Variants in STAG3 observed in about 807,000 individuals in gnomAD.
STAG3 encodes STAG3 cohesin complex component, also known as cohesin subunit SA-3.
STAG3 carries 101 observed loss-of-function variants against 160.7 expected under a neutral mutation model. That is an observed-to-expected ratio of 0.63 (90% CI 0.54 to 0.74). The LOEUF (loss-of-function observed/expected upper bound fraction) is 0.74, where lower values mean the gene tolerates loss of function less well. Among genes scored for constraint, STAG3 ranks in the 30% least tolerant of loss-of-function variants. STAG3 has a pLI of 0.00. For synonymous variants in STAG3, 519 were observed against 585.0 expected (o/e 0.89, Z 1.63); for missense variants, 1,188 against 1,517.4 (o/e 0.78, Z 3.61).
intron 9 of STAG3, among the ~76,000 whole-genome samples, chr7:100,196,073 G>A (rs1800666129): frequency 6.6e-6 from 1 of 151,776 alleles, no homozygotes; most frequent in Admixed American, 6.6e-5. Flanking sequence ...AGGTTGCGGT[G>A]AGCTGAGATG....
intron 31 of STAG3, 75 bp from the exon 32 acceptor site, chr7:100,211,720 C>T: frequency 1.3e-6 from 2 of 1,533,404 alleles, no homozygotes; most frequent in Non-Finnish European, 1.8e-6. Context: ...ACTTCCCCCA[C>T]CCCGGGTGTC....
In STAG3 at chr7:100,204,056, A is replaced by T. The variant is rs200742340; in HGVS notation, c.2736A>T (p.Thr912=). ...ACTATGGTGACATTATCAAGGAAAC[A>T]TTAACTAGAGCAAGGCAGATTGACC... ...YNDYGDIIKE[T]LTRARQIDRS... Residue 912 remains threonine, a synonymous_variant, in exon 26 of 34, where the codon ACA becomes ACT. Coordinates refer to ENST00000615138, the MANE Select transcript of STAG3 (RefSeq NM_001282717.2). 1 of 1,614,136 alleles carries T rather than the reference A, an allele frequency of 6.2e-7. No homozygotes were observed. Among genetic ancestry groups the T allele is most frequent in the Non-Finnish European group, 8.5e-7 (1 of 1,179,990 alleles).
At chr7:100,188,264 G>A (rs1800151916) in intron 5 of STAG3, among the ~76,000 whole-genome samples, 189 bp from the exon 6 acceptor site, 1 of 152,106 alleles carries the variant, frequency 6.6e-6, no homozygotes, top group African/African-American at 2.4e-5. Flanking sequence ...CCTTCCTTTG[G>A]GTTTTTAGAG....
chr7:100,217,745 G>GGA (rs371561788), downstream of STAG3, among the ~76,000 whole-genome samples: 2 of 152,060 alleles, frequency 1.3e-5, no homozygotes, highest in African/African-American at 2.4e-5. Context: ...TAGCCGAGGC[G>GGA]GAGAGAGAGA....
At chr7:100,180,038 T>C (rs1292508283) in intron 1 of STAG3, among the ~76,000 whole-genome samples, 1 of 147,526 alleles carries the variant, frequency 6.8e-6, no homozygotes, top group African/African-American at 2.5e-5. Context: ...CCCAGCCATT[T>C]GTCTTATTTA....
At chr7:100,215,573 C>T (rs1167270791), downstream of STAG3, among the ~76,000 whole-genome samples, 1 of 152,104 alleles carries the variant, frequency 6.6e-6, no homozygotes, top group Non-Finnish European at 1.5e-5. Context: ...TCTCAAAATC[C>T]AGGAGGGGAA....
In STAG3 at chr7:100,207,957, A is replaced by G. The variant is rs996165441; in HGVS notation, c.3238+2573A>G. Among the ~76,000 whole-genome samples the G allele has an allele frequency of 6.6e-6, 1 of 151,736 alleles. No homozygotes were observed. Among genetic ancestry groups the G allele is most frequent in the African/African-American group, 2.4e-5 (1 of 41,404 alleles). ...CGGTGAAACCCCGTCTCTACTAAAA[A>G]TACAAAAAATTAGCCAGGCATGATG... On this transcript the variant is annotated intron_variant, in intron 29 of 33. Coordinates refer to ENST00000615138, the MANE Select transcript of STAG3 (RefSeq NM_001282717.2). This position sits in a 1 kb window ranked among gnomAD's most constrained non-coding sequence, Gnocchi z 4.0.
At position 100,199,934 on chromosome 7, in the gene STAG3, C is replaced by T. The variant is rs1037126831; in HGVS notation, c.1677+290C>T. Among the ~76,000 whole-genome samples, 11 of 150,044 alleles carry T rather than the reference C, an allele frequency of 7.3e-5. No homozygotes were observed. In the East Asian group the frequency reaches 2.2e-3, roughly 30 times the overall value. The stretch of plus-strand genomic sequence containing the variant: ...AAAAAAAATTAGCTGGGCGTGGTAG[C>T]GGGCACCTGTAGTCCCAGCTACTTG... On this transcript the variant is annotated intron_variant, in intron 16 of 33. Transcript: ENST00000615138.
chr7:100,198,434 A>G lies in STAG3; in HGVS notation c.1245-41A>G, dbSNP rs111629818. ...CTAGCCTTGGTTGTGCCAGAAGACA[A>G]TGTCCCTATTCACATACTCTTTCTG... On this transcript the variant is annotated intron_variant, in intron 12 of 33. Coordinates refer to ENST00000615138, the MANE Select transcript of STAG3 (RefSeq NM_001282717.2). 9,916 of 1,595,854 alleles carry G rather than the reference A, an allele frequency of 6.2e-3. 583 individuals are homozygous for G. In the African/African-American group the frequency reaches 0.12, roughly 19 times the overall value.
intron 4 of STAG3, among the ~76,000 whole-genome samples, chr7:100,183,589 A>G (rs1799791245): frequency 6.6e-6 from 1 of 152,270 alleles, no homozygotes; most frequent in Non-Finnish European, 1.5e-5. Flanking sequence ...ATGATTACTC[A>G]GATCTCTAGC....
At chr7:100,206,935 A>C (rs1478702791) in intron 29 of STAG3, among the ~76,000 whole-genome samples, 1 of 152,192 alleles carries the variant, frequency 6.6e-6, no homozygotes. Flanking sequence ...TATAATTCCT[A>C]TCTCTTGATT....
intron 16 of STAG3, among the ~76,000 whole-genome samples, chr7:100,199,878 A>T: frequency 6.9e-6 from 1 of 145,620 alleles, no homozygotes; most frequent in East Asian, 2.1e-4. Context: ...ACACAGTGAA[A>T]CCCTGTCTCT....
At chr7:100,183,248 A>G (rs1311722717) in intron 4 of STAG3, among the ~76,000 whole-genome samples, 1 of 152,178 alleles carries the variant, frequency 6.6e-6, no homozygotes, top group Non-Finnish European at 1.5e-5. Context: ...TTCTGACCTC[A>G]GGTGATCCGC....
intron 8 of STAG3, among the ~76,000 whole-genome samples, chr7:100,194,493 G>A (rs1800554328): frequency 6.6e-6 from 1 of 152,136 alleles, no homozygotes; most frequent in South Asian, 2.1e-4. Flanking sequence ...AACAGTTACA[G>A]TAGTAACATT....
chr7:100,207,838 C>G lies in STAG3; in HGVS notation c.3238+2454C>G, dbSNP rs1461085262. Among the ~76,000 whole-genome samples the G allele has an allele frequency of 6.6e-6, 1 of 152,088 alleles. No individual in the cohort carries two copies. The highest frequency in any genetic ancestry group is 6.6e-5 in the Admixed American group (1 of 15,254). On this transcript the variant is annotated intron_variant, in intron 29 of 33. Transcript: ENST00000615138. The surrounding 1 kb of genome is among the most constrained non-coding windows in gnomAD (Gnocchi z 4.0). ...TTCTTCTAAGAGTTATAGTTTTAGC[C>G]GGGCATGGTGGCTCACGCCTGTAAT...
At chr7:100,199,772 A>G in intron 16 of STAG3, 128 bp downstream of exon 16, 1 of 751,988 alleles carries the variant, frequency 1.3e-6, no homozygotes, top group Non-Finnish European at 2.1e-6. Context: ...TCCAGAAAAA[A>G]GGGCCAGGCG....
At chr7:100,180,379 C>T in intron 1 of STAG3, 114 bp from the exon 2 acceptor site, 1 of 561,378 alleles carries the variant, frequency 1.8e-6, no homozygotes, top group Non-Finnish European at 3.2e-6. Context: ...GTTTTTGGTC[C>T]CCCTCACCTG....
intron 29 of STAG3, 34 bp downstream of exon 29, chr7:100,205,418 G>C (rs368185162): frequency 9.0e-5 from 140 of 1,558,520 alleles, no homozygotes; most frequent in Non-Finnish European, 1.1e-4. Context: ...GGGGTGCCCA[G>C]CAGGTGGTCG....
chr7:100,182,068 A>G (rs778392586), intron 2 of STAG3, 22 bp from the exon 3 acceptor site: 2 of 1,594,328 alleles, frequency 1.3e-6, no homozygotes, highest in Admixed American at 3.3e-5. Context: ...TTATATTTAA[A>G]GAGAACCATA....
Sources: allele counts gnomAD v4.1 joint callset (sites outside exome capture counted in the v4.1 genomes callset), GRCh38; gene constraint gnomAD v4.1.1; non-coding constraint Gnocchi (gnomAD v3.1); transcripts MANE v1.5; gene names NCBI Gene and HGNC (gene_info 2026-07-23, HGNC 2026-07-21).